SHROOM4: variants seen among roughly 807,000 people sequenced by gnomAD.
SHROOM4 encodes the protein shroom family member 4.
SHROOM4 carries 17 observed loss-of-function variants against 80.3 expected under a neutral mutation model. That is an observed-to-expected ratio of 0.21 (90% CI 0.14 to 0.32). The LOEUF is 0.32. Ranked by LOEUF, SHROOM4 falls within the 10% of genes least tolerant of loss-of-function variation. The probability of loss-of-function intolerance (pLI) is 1.00; values close to 1 mark genes in which losing one functional copy is unlikely to be tolerated. For synonymous variants in SHROOM4, 400 were observed against 437.5 expected, an observed-to-expected ratio of 0.91 and a Z score of 1.07; for missense variants, 993 against 1,140.3, an observed-to-expected ratio of 0.87 and a Z score of 1.86.
downstream of SHROOM4, among the ~76,000 whole-genome samples, chrX:50,584,247 T>C (rs188840874): frequency 8.9e-6 from 1 of 112,583 alleles, no homozygotes; most frequent in Non-Finnish European, 1.9e-5. Context: ...CTGAGGGTCA[T>C]TGGCTGCTGC....
chrX:50,761,816 C>A (rs782320290), intron 1 of SHROOM4, among the ~76,000 whole-genome samples: 1 of 111,814 alleles, frequency 8.9e-6, no homozygotes, highest in Non-Finnish European at 1.9e-5. Flanking sequence ...CTGCCTTGGC[C>A]TCCCAAAGTG....
intron 2 of SHROOM4, among the ~76,000 whole-genome samples, chrX:50,675,302 A>G (rs1557261184): frequency 9.0e-6 from 1 of 111,648 alleles, no homozygotes; most frequent in East Asian, 2.8e-4. Flanking sequence ...CTCTTTACCT[A>G]TGTAACAAAC....
chrX:50,734,881 C>T (rs1016366426), intron 1 of SHROOM4, among the ~76,000 whole-genome samples: 10 of 110,692 alleles, frequency 9.0e-5, no homozygotes, highest in Non-Finnish European at 1.9e-4. Flanking sequence ...TTTTGCTTGG[C>T]TCTCATTCTC....
chrX:50,813,601 A>C (rs1408056889), intron 1 of SHROOM4, among the ~76,000 whole-genome samples: 1 of 112,078 alleles, frequency 8.9e-6, no homozygotes, highest in African/African-American at 3.2e-5. Context: ...CTTCGGCCCA[A>C]ACTGAGGGAA....
chrX:50,787,687 T>C (rs1310788915), intron 1 of SHROOM4, among the ~76,000 whole-genome samples: 1 of 108,319 alleles, frequency 9.2e-6, no homozygotes, highest in East Asian at 2.9e-4. Context: ...ACCTGTCATA[T>C]AAAAGAAACC....
intron 5 of SHROOM4, among the ~76,000 whole-genome samples, chrX:50,609,665 A>ATGTGTGTG (rs3078713): frequency 0.042 from 3,745 of 88,205 alleles, 172 homozygotes; most frequent in African/African-American, 0.14. Flanking sequence ...AGTCATGGAT[A>ATGTGTGTG]TGTGTGTGTG....
At chrX:50,675,668 T>C (rs948533511) in intron 2 of SHROOM4, among the ~76,000 whole-genome samples, 2 of 111,198 alleles carry the variant, frequency 1.8e-5, no homozygotes, top group Admixed American at 9.6e-5. Context: ...TGTAAATGTG[T>C]GAGGCATCAG....
At chrX:50,694,994 G>A (rs960991072) in intron 2 of SHROOM4, among the ~76,000 whole-genome samples, 3 of 110,418 alleles carry the variant, frequency 2.7e-5, no homozygotes, top group Non-Finnish European at 5.7e-5. Context: ...AAGCAAAGGC[G>A]CAGCAGCAAA....
In SHROOM4 at chrX:50,788,060, G is replaced by T. The variant is rs191470442; in HGVS notation, c.117+25842C>A. Reference sequence around the variant, plus strand: ...CAGAATGATGTAATGCTGTGATAGTGGTAGGTAAAACATTTTTAATTCTAG... The same window carrying T: ...CAGAATGATGTAATGCTGTGATAGTTGTAGGTAAAACATTTTTAATTCTAG... On this transcript the variant is annotated intron_variant, in intron 1 of 8. Transcript: ENST00000376020. Among the ~76,000 whole-genome samples the T allele has an allele frequency of 4.4e-3, 491 of 111,920 alleles. 1 individual carries two copies. The highest frequency in any genetic ancestry group is 0.015 in the African/African-American group (469 of 30,884).
intron 1 of SHROOM4, among the ~76,000 whole-genome samples, chrX:50,708,744 C>T (rs1490515402): frequency 9.0e-6 from 1 of 111,474 alleles, no homozygotes; most frequent in East Asian, 2.8e-4. Context: ...CAGATACATG[C>T]GGGAAGGATA....
chrX:50,781,766 A>T lies in SHROOM4; in HGVS notation c.117+32136T>A, dbSNP rs1935632210. 2.7e-5 allele frequency among the ~76,000 whole-genome samples: 3 copies of T among 110,328 alleles called. No individual in the cohort carries two copies. The Admixed American group carries it at 2.9e-4, about 11-fold the overall frequency. On this transcript the variant is annotated intron_variant, in intron 1 of 8. Coordinates refer to ENST00000376020, the MANE Select transcript of SHROOM4 (RefSeq NM_020717.5). Reference sequence around the variant, plus strand: ...AAGACAGAAAATACTCTCTTCCCTCACTCCCTCACCTCATCCTGCCCCTAA... The same window carrying T: ...AAGACAGAAAATACTCTCTTCCCTCTCTCCCTCACCTCATCCTGCCCCTAA...
chrX:50,670,908 C>T (rs1932791682), intron 2 of SHROOM4, among the ~76,000 whole-genome samples: 1 of 111,825 alleles, frequency 8.9e-6, no homozygotes. Flanking sequence ...TAAATGTCTT[C>T]TTTTGAGGAG....
chrX:50,653,503 A>G (rs1048503924), intron 2 of SHROOM4, among the ~76,000 whole-genome samples: 1 of 111,965 alleles, frequency 8.9e-6, no homozygotes, highest in Non-Finnish European at 1.9e-5. Context: ...CAATCATGTC[A>G]TCAGCAAACA....
intron 2 of SHROOM4, among the ~76,000 whole-genome samples, chrX:50,650,827 C>T (rs1181446293): frequency 4.5e-5 from 5 of 112,301 alleles, no homozygotes; most frequent in African/African-American, 6.5e-5. Context: ...TCAGGGAAAT[C>T]AGCCTAGAGC....
chrX:50,700,132 T>C (rs782108729), intron 1 of SHROOM4, among the ~76,000 whole-genome samples: 1 of 109,157 alleles, frequency 9.2e-6, no homozygotes, highest in East Asian at 2.8e-4. Context: ...TACCAGCCCA[T>C]ACTGCTACCT....
chrX:50,718,105 T>C (rs1359186736), intron 1 of SHROOM4, among the ~76,000 whole-genome samples: 1 of 111,794 alleles, frequency 8.9e-6, no homozygotes, highest in Admixed American at 9.5e-5. Flanking sequence ...GTCCACTGTG[T>C]GCTGGGTCCA....
At chrX:50,688,977 A>C (rs1569547656) in intron 2 of SHROOM4, among the ~76,000 whole-genome samples, 1 of 111,536 alleles carries the variant, frequency 9.0e-6, no homozygotes, top group Non-Finnish European at 1.9e-5. Flanking sequence ...CACTGATCAA[A>C]AAGCAAAAAA....
At chrX:50,616,760 A>G (rs1266318692) in intron 5 of SHROOM4, among the ~76,000 whole-genome samples, 5 of 111,744 alleles carry the variant, frequency 4.5e-5, no homozygotes, top group African/African-American at 1.6e-4. Context: ...CAGGGACCAT[A>G]TCATGGAAAC....
intron 1 of SHROOM4, among the ~76,000 whole-genome samples, chrX:50,696,465 C>G (rs574734198): frequency 8.9e-6 from 1 of 111,831 alleles, no homozygotes; most frequent in South Asian, 3.8e-4. Flanking sequence ...ATGTAGATAA[C>G]AAGACTAGCT....
Sources: allele counts gnomAD v4.1 joint callset (sites outside exome capture counted in the v4.1 genomes callset), GRCh38; gene constraint gnomAD v4.1.1; transcripts MANE v1.5; gene names NCBI Gene and HGNC (gene_info 2026-07-23, HGNC 2026-07-21).